Variants in PCDHA6 observed in about 807,000 individuals in gnomAD.
PCDHA6 encodes the protein protocadherin alpha 6, also known as protocadherin alpha-6.
PCDHA6 carries 55 observed loss-of-function variants against 60.3 expected under a neutral mutation model. The observed-to-expected ratio is 0.91, with a 90% CI of 0.73 to 1.14. The LOEUF is 1.14. PCDHA6 is among the 50% of genes most tolerant of loss of function. The pLI is 0.00. For synonymous variants in PCDHA6, 652 were observed against 557.9 expected (o/e 1.17, Z -2.38); for missense variants, 1,327 against 1,256.5 (o/e 1.06, Z -0.85).
intron 1 of PCDHA6, chr5:140,882,828 A>T: frequency 6.2e-7 from 1 of 1,614,226 alleles, no homozygotes; most frequent in Non-Finnish European, 8.5e-7. Context: ...AACAGTCTTG[A>T]GCAAATGTCT....
rs782072957 is a variant in PCDHA6, at chr5:140,870,352, G to A, written c.2394+39867G>A. ...GGACAGCGCCCTGGACCGCGAGAAC[G>A]TGTGGGCCTATGAACTGGTGGTGAC... On this transcript the variant is annotated intron_variant, in intron 1 of 3. Coordinates refer to ENST00000529310, the MANE Select transcript of PCDHA6 (RefSeq NM_018909.4). 36 of 1,614,108 alleles carry A rather than the reference G, an allele frequency of 2.2e-5. No homozygotes were observed. In the South Asian group the frequency reaches 3.2e-4, roughly 14 times the overall value.
In PCDHA6 at chr5:140,870,550, G is replaced by A. The variant is rs371515299; in HGVS notation, c.2394+40065G>A. On this transcript the variant is annotated intron_variant, in intron 1 of 3. Transcript: ENST00000529310. ...CACAGTGTCGGCGCGGGACGCGGAC[G>A]CGCAGGAGAACGCGCTGGTGTCCTA... 3.1e-6 allele frequency: 5 copies of A among 1,614,066 alleles called. No homozygotes were observed. In the African/African-American group the frequency reaches 6.7e-5, roughly 22 times the overall value.
chr5:140,944,316 T>G (rs140163712), intron 1 of PCDHA6, among the ~76,000 whole-genome samples: 1 of 151,958 alleles, frequency 6.6e-6, no homozygotes, highest in Non-Finnish European at 1.5e-5. Context: ...GCCTCCTGAG[T>G]AGCTGGGATT....
intron 1 of PCDHA6, chr5:140,849,563 G>A: frequency 1.9e-6 from 3 of 1,598,488 alleles, no homozygotes; most frequent in Non-Finnish European, 2.6e-6. Flanking sequence ...AAACGCTCTC[G>A]GTTCCTGTAA....
chr5:140,862,341 T>G, intron 1 of PCDHA6: 1 of 331,140 alleles, frequency 3.0e-6, no homozygotes, highest in Non-Finnish European at 6.0e-6. Flanking sequence ...GACCCTAACT[T>G]CAGTGCCAAG....
At chr5:140,923,343 T>G (rs1251719779) in intron 1 of PCDHA6, among the ~76,000 whole-genome samples, 1 of 152,122 alleles carries the variant, frequency 6.6e-6, no homozygotes, top group African/African-American at 2.4e-5. Flanking sequence ...TTGGGCAACA[T>G]AGTGGGACCC....
chr5:140,984,754 A>G (rs2097118359), intron 3 of PCDHA6, among the ~76,000 whole-genome samples: 1 of 152,158 alleles, frequency 6.6e-6, no homozygotes, highest in Admixed American at 6.5e-5. Context: ...ATTTGAGTTG[A>G]ATTCTAATCC....
intron 1 of PCDHA6, among the ~76,000 whole-genome samples, chr5:140,923,629 G>A (rs1350871926): frequency 6.6e-6 from 1 of 152,138 alleles, no homozygotes; most frequent in Non-Finnish European, 1.5e-5. Flanking sequence ...TTATCCAAAA[G>A]GCAAAAATCT....
intron 1 of PCDHA6, among the ~76,000 whole-genome samples, chr5:140,896,522 G>A (rs1228394123): frequency 6.7e-6 from 1 of 149,268 alleles, no homozygotes; most frequent in Non-Finnish European, 1.5e-5. Context: ...ACACCACAAA[G>A]CCCAGCTATT....
intron 1 of PCDHA6, among the ~76,000 whole-genome samples, chr5:140,939,879 T>C (rs565550218): frequency 2.0e-5 from 3 of 152,208 alleles, no homozygotes; most frequent in Non-Finnish European, 4.4e-5. Flanking sequence ...CTTTGCTAGT[T>C]GTGTTGTTCA....
chr5:140,856,308 C>G, intron 1 of PCDHA6: 1 of 1,598,620 alleles, frequency 6.3e-7, no homozygotes, highest in Non-Finnish European at 8.6e-7. Context: ...TTTGTGAATT[C>G]TCGGATTGAC....
intron 1 of PCDHA6, among the ~76,000 whole-genome samples, chr5:140,897,748 C>G (rs565250286): frequency 6.6e-5 from 10 of 152,214 alleles, no homozygotes; most frequent in Non-Finnish European, 1.5e-4. Flanking sequence ...GTTCTAGATC[C>G]CTGAGGAATC....
In PCDHA6 at chr5:140,883,441, G is replaced by A. The variant is rs782063932; in HGVS notation, c.2394+52956G>A. 3.1e-6 allele frequency: 5 copies of A among 1,614,130 alleles called. No homozygotes were observed. In the African/African-American group the frequency reaches 4.0e-5, roughly 13 times the overall value. Reference sequence around the variant, plus strand: ...GACAGGTCACCTGCACCTTGACGCCGCATGTCCCCTTCAAGCTGGTGTCCA... The same window carrying A: ...GACAGGTCACCTGCACCTTGACGCCACATGTCCCCTTCAAGCTGGTGTCCA... On this transcript the variant is annotated intron_variant, in intron 1 of 3. Transcript: ENST00000529310.
chr5:140,836,217 CA>C, intron 1 of PCDHA6: 1 of 1,613,820 alleles, frequency 6.2e-7, no homozygotes, highest in Non-Finnish European at 8.5e-7. Context: ...GTATGAGTTG[CA>C]ACCGGTGGCG....
At chr5:140,850,689 T>C in intron 1 of PCDHA6, 4 of 1,594,932 alleles carry the variant, frequency 2.5e-6, no homozygotes, top group South Asian at 1.1e-5. Flanking sequence ...CGAGGGCGAG[T>C]GCGCGCCTGG....
In PCDHA6 at chr5:140,829,050, T is replaced by C. The variant is rs1554131730; in HGVS notation, c.959T>C (p.Ile320Thr). Residue 320 changes from isoleucine (I) to threonine (T), a missense_variant, in exon 1 of 4, where the codon ATT becomes ACT. By Grantham distance (89) the Ile-to-Thr change is moderately conservative (BLOSUM62 -1). Coordinates refer to ENST00000529310, the MANE Select transcript of PCDHA6 (RefSeq NM_018909.4). ...CAAGAAAACTTATACAAAATCCTCA[T>C]TGACGCCACGGACAAAGGCCATCCT... Reference protein sequence around the residue: ...FEQENLYKILIDATDKGHPPM... With the variant: ...FEQENLYKILTDATDKGHPPM... 3 of 1,613,108 alleles carry C rather than the reference T, an allele frequency of 1.9e-6. No individual in the cohort carries two copies. The highest frequency in any genetic ancestry group is 2.7e-5 in the African/African-American group (2 of 75,012).
intron 1 of PCDHA6, among the ~76,000 whole-genome samples, chr5:140,961,205 T>A (rs1215243152): frequency 1.3e-5 from 2 of 152,172 alleles, no homozygotes; most frequent in African/African-American, 4.8e-5. Context: ...GAGGTTGGTA[T>A]TGATGAAGAA....
At chr5:140,979,843 A>G (rs1373380351) in intron 2 of PCDHA6, among the ~76,000 whole-genome samples, 1 of 152,246 alleles carries the variant, frequency 6.6e-6, no homozygotes, top group African/African-American at 2.4e-5. Context: ...TAATCTTCAA[A>G]CTTAAGCCCC....
chr5:140,972,478 AC>A (rs2096537655), intron 1 of PCDHA6, among the ~76,000 whole-genome samples: 2 of 151,866 alleles, frequency 1.3e-5, no homozygotes, highest in Admixed American at 1.3e-4. Flanking sequence ...TCAGCATTTA[AC>A]CCCAGACTCT....
Sources: gnomAD v4.1 joint callset for allele counts (sites outside exome capture counted in the v4.1 genomes callset) on GRCh38, gnomAD v4.1.1 for gene constraint, MANE v1.5 for transcripts, NCBI Gene and HGNC (gene_info 2026-07-23, HGNC 2026-07-21) for gene names.